UNC5A: variants seen among roughly 807,000 people sequenced by gnomAD.
The protein encoded by UNC5A is unc-5 netrin receptor A.
Under a neutral mutation model 87.4 loss-of-function variants are expected in UNC5A, and 20 were observed. That is an observed-to-expected ratio of 0.23 (90% CI 0.16 to 0.33). UNC5A has a LOEUF of 0.33. UNC5A is among the 10% of genes least tolerant of loss of function. The probability of loss-of-function intolerance (pLI) is 1.00; values close to 1 mark genes in which losing one functional copy is unlikely to be tolerated. For synonymous variants in UNC5A, 438 were observed against 482.3 expected (o/e 0.91, Z 1.20); for missense variants, 844 against 1,133.4 (o/e 0.74, Z 3.67).
chr5:176,877,501 C>T, intron 9 of UNC5A, 34 bp from the exon 10 acceptor site: 1 of 1,558,440 alleles, frequency 6.4e-7, no homozygotes, highest in Non-Finnish European at 8.7e-7. Context: ...GCCACTGACA[C>T]CTTTCCCTCC....
In UNC5A at chr5:176,875,940, C is replaced by T. The variant is rs1474782990; in HGVS notation, c.1379-1252C>T. On this transcript the variant is annotated intron_variant, in intron 8 of 14. Transcript: ENST00000329542. This position sits in a 1 kb window ranked among gnomAD's most constrained non-coding sequence, Gnocchi z 5.2. The stretch of plus-strand genomic sequence containing the variant: ...ACCCCTCATGGGGCTGTTGGGATGA[C>T]GAGGTGAGACGGCATCTGTCAGCTC... Among the ~76,000 whole-genome samples, 6 of 152,232 alleles carry T rather than the reference C, an allele frequency of 3.9e-5. No individual in the cohort carries two copies. The highest frequency in any genetic ancestry group is 8.8e-5 in the Non-Finnish European group (6 of 68,044).
intron 1 of UNC5A, among the ~76,000 whole-genome samples, chr5:176,837,595 C>T (rs949338476): frequency 2.0e-5 from 3 of 152,164 alleles, no homozygotes; most frequent in Admixed American, 1.3e-4. Flanking sequence ...TTATCTGATG[C>T]GTGCAGAAGG....
chr5:176,869,490 C>T lies in UNC5A; in HGVS notation c.721+526C>T. ...CATGGCCTCCCCCAGGCCTTCTCTC[C>T]CAGCTCAGCCACAGCCCACCCGTGT... is the stretch of plus-strand genomic sequence containing the variant. On this transcript the variant is annotated intron_variant, in intron 5 of 14. Transcript: ENST00000329542. This position sits in a 1 kb window ranked among gnomAD's most constrained non-coding sequence, Gnocchi z 9.1. 1 of 588,522 alleles carries T rather than the reference C, an allele frequency of 1.7e-6. No homozygotes were observed. The highest frequency in any genetic ancestry group is 3.1e-6 in the Non-Finnish European group (1 of 326,732). The allele number at this position is 588,522 out of a possible 1,614,324, so 36.5% of individuals were successfully genotyped here.
In UNC5A at chr5:176,874,680, G is replaced by C. The variant is rs1194270662; in HGVS notation, c.1378+114G>C. 1.1e-5 allele frequency: 14 copies of C among 1,275,630 alleles called. No homozygotes were observed. The South Asian group carries it at 1.8e-4, about 17-fold the overall frequency. 79.0% of individuals were successfully genotyped at this position (1,275,630 alleles called of 1,614,324 possible). ...GTCCCGTGACAGATCAGCAAGGAAA[G>C]GGGGTGGAGTTTTGGGGAGAACCCA... On this transcript the variant is annotated intron_variant, in intron 8 of 14. Coordinates refer to ENST00000329542, the MANE Select transcript of UNC5A (RefSeq NM_133369.3). This position sits in a 1 kb window ranked among gnomAD's most constrained non-coding sequence, Gnocchi z 7.6.
At chr5:176,877,830 A>G in intron 10 of UNC5A, 64 bp from the exon 11 acceptor site, 5 of 1,529,700 alleles carry the variant, frequency 3.3e-6, no homozygotes, top group Non-Finnish European at 3.5e-6. Context: ...CCACTTCTTG[A>G]AGCCACAGCT....
intron 1 of UNC5A, among the ~76,000 whole-genome samples, chr5:176,849,004 G>A (rs1186435681): frequency 6.6e-6 from 1 of 152,214 alleles, no homozygotes; most frequent in East Asian, 1.9e-4. Context: ...CTCTGATGAG[G>A]AGGGTTCCCA....
rs1756815613 is a variant in UNC5A at position 176,824,870 on chromosome 5, C to A, written c.70+14050C>A. On this transcript the variant is annotated intron_variant, in intron 1 of 14. Transcript: ENST00000329542. The surrounding 1 kb of genome is among the most constrained non-coding windows in gnomAD (Gnocchi z 4.2). ...CACTCCGTATCCCCCACCCCATGCA[C>A]CCCCAGTGCCTGCGCACTGCCCTCT... is the stretch of plus-strand genomic sequence containing the variant. 6.6e-6 allele frequency among the ~76,000 whole-genome samples: 1 copy of A among 152,102 alleles called. No individual in the cohort carries two copies. Among genetic ancestry groups the A allele is most frequent in the Non-Finnish European group, 1.5e-5 (1 of 67,984 alleles).
chr5:176,814,863 G>T (rs1252203177), intron 1 of UNC5A, among the ~76,000 whole-genome samples: 10 of 152,178 alleles, frequency 6.6e-5, no homozygotes, highest in Admixed American at 6.5e-4. Context: ...TGCTATTGCT[G>T]GGGACAGGGA....
chr5:176,854,712 T>C (rs951912615), intron 1 of UNC5A, among the ~76,000 whole-genome samples: 1 of 152,258 alleles, frequency 6.6e-6, no homozygotes, highest in Non-Finnish European at 1.5e-5. Context: ...GTCCCATTGC[T>C]GGGAATGATG....
chr5:176,834,210 G>A lies in UNC5A; in HGVS notation c.70+23390G>A, dbSNP rs186780444. Among the ~76,000 whole-genome samples the A allele has an allele frequency of 1.0e-3, 156 of 152,282 alleles. 2 individuals carry two copies. In the East Asian group the frequency reaches 0.02, roughly 20 times the overall value. On this transcript the variant is annotated intron_variant, in intron 1 of 14. Coordinates refer to ENST00000329542, the MANE Select transcript of UNC5A (RefSeq NM_133369.3). ...TGAAGAAATTAAATAATTACACACTGCCGGGAGTATGGAAGAGAACAAAGG... is the reference window on the plus strand; with the variant it reads ...TGAAGAAATTAAATAATTACACACTACCGGGAGTATGGAAGAGAACAAAGG...
rs79233342 is a variant in UNC5A at position 176,862,860 on chromosome 5, G to T, written c.292+15G>T. ...CGGGAGCAGTGGTGAGCCGCATGGG[G>T]CGCCAGGCAGGGCCAATCCGGGGGA... is the stretch of plus-strand genomic sequence containing the variant. On this transcript the variant is annotated intron_variant, in intron 2 of 14. Transcript: ENST00000329542. 1,017 of 1,611,808 alleles carry T rather than the reference G, an allele frequency of 6.3e-4. 8 individuals are homozygous for T. The African/African-American group carries it at 0.012, about 20-fold the overall frequency.
intron 1 of UNC5A, among the ~76,000 whole-genome samples, chr5:176,852,056 C>T (rs1757557346): frequency 6.6e-6 from 1 of 152,190 alleles, no homozygotes; most frequent in South Asian, 2.1e-4. Flanking sequence ...TTCCCAGCGC[C>T]CTGCCGGCTA....
chr5:176,874,849 A>C lies in UNC5A; in HGVS notation c.1378+283A>C, dbSNP rs73341818. 0.046 allele frequency among the ~76,000 whole-genome samples: 6,981 copies of C among 152,284 alleles called. 527 individuals carry two copies. Among genetic ancestry groups the C allele is most frequent in the African/African-American group, 0.16 (6,617 of 41,534 alleles). The stretch of plus-strand genomic sequence containing the variant: ...GGGCCCTGGGCCCAGAGGTAGGGCA[A>C]GCCCCGGCCCCAAGGAGCTTGCAAC... On this transcript the variant is annotated intron_variant, in intron 8 of 14. Transcript: ENST00000329542. The surrounding 1 kb of genome is among the most constrained non-coding windows in gnomAD (Gnocchi z 7.6).
chr5:176,832,219 C>T (rs560385514), intron 1 of UNC5A, among the ~76,000 whole-genome samples: 1 of 152,220 alleles, frequency 6.6e-6, no homozygotes, highest in East Asian at 1.9e-4. Flanking sequence ...ACTGAAGCCT[C>T]AATGCAGAGT....
intron 1 of UNC5A, among the ~76,000 whole-genome samples, chr5:176,812,736 C>T (rs1028963114): frequency 2.6e-5 from 4 of 152,156 alleles, no homozygotes; most frequent in Non-Finnish European, 4.4e-5. Context: ...CAGGGGCTGA[C>T]GCAGAGCCTG....
At position 176,834,347 on chromosome 5, in the gene UNC5A, G is replaced by A. The variant is rs544587529; in HGVS notation, c.70+23527G>A. On this transcript the variant is annotated intron_variant, in intron 1 of 14. Coordinates refer to ENST00000329542, the MANE Select transcript of UNC5A (RefSeq NM_133369.3). ...TTGGCATTAGCCGCCCAGCTGGACC[G>A]ATCTGTCTCCCTGTCTTCCCGGGAT... Among the ~76,000 whole-genome samples, 73 of 152,238 alleles carry A rather than the reference G, an allele frequency of 4.8e-4. 1 individual carries two copies. In the South Asian group the frequency reaches 0.012, roughly 25 times the overall value.
At position 176,868,499 on chromosome 5, in the gene UNC5A, G is replaced by A. The variant is rs1399462486; in HGVS notation, c.437-62G>A. On this transcript the variant is annotated intron_variant, in intron 3 of 14. Transcript: ENST00000329542. ...CGGCCCCTGCAGGACAAGGGACACA[G>A]CCAGCCAGGCTGAGCCTGTGCGAGG... 10 of 1,530,148 alleles carry A rather than the reference G, an allele frequency of 6.5e-6. No individual in the cohort carries two copies. In the East Asian group the frequency reaches 2.4e-4, roughly 37 times the overall value. 94.8% of individuals were successfully genotyped at this position (1,530,148 alleles called of 1,614,324 possible).
At chr5:176,833,834 GAGTAGCTGGGACTACAGGCGCCCA>G (rs1757083222) in intron 1 of UNC5A, among the ~76,000 whole-genome samples, 1 of 151,254 alleles carries the variant, frequency 6.6e-6, no homozygotes. Context: ...TCAGCCTCCC[GAGTAGCTGGGACTACAGGCGCCCA>G]CCACTACGCC....
chr5:176,820,270 A>G (rs554546885), intron 1 of UNC5A, among the ~76,000 whole-genome samples: 145 of 152,196 alleles, frequency 9.5e-4, no homozygotes, highest in African/African-American at 3.4e-3. Context: ...GGTGGCGGGC[A>G]CCTGTAGTCC....
Sources: allele counts gnomAD v4.1 joint callset (sites outside exome capture counted in the v4.1 genomes callset), GRCh38; gene constraint gnomAD v4.1.1; non-coding constraint Gnocchi (gnomAD v3.1); transcripts MANE v1.5; gene names NCBI Gene and HGNC (gene_info 2026-07-23, HGNC 2026-07-21).